The following SLC9C1 variants were observed in gnomAD, a reference collection of about 807,000 sequenced individuals.
SLC9C1 encodes solute carrier family 9 member C1, also known as sodium/hydrogen exchanger 10.
SLC9C1 carries 97 observed loss-of-function variants against 140.9 expected under a neutral mutation model. That is an observed-to-expected ratio of 0.69 (90% CI 0.58 to 0.82). SLC9C1 has a LOEUF of 0.82. Ranked by LOEUF, SLC9C1 falls within the 40% of genes least tolerant of loss-of-function variation. The probability of loss-of-function intolerance (pLI) is 0.00; values close to 1 mark genes in which losing one functional copy is unlikely to be tolerated. For missense variants in SLC9C1, 1,340 were observed against 1,389.3 expected (o/e 0.96, Z 0.56); for synonymous variants, 440 against 442.6 (o/e 0.99, Z 0.07).
At chr3:112,292,089 G>A (rs1418682761) in intron 1 of SLC9C1, among the ~76,000 whole-genome samples, 1 of 152,176 alleles carries the variant, frequency 6.6e-6, no homozygotes, top group African/African-American at 2.4e-5. Context: ...GACACATAGA[G>A]GGGAATACAC....
At chr3:112,217,875 G>C (rs1025958861) in intron 14 of SLC9C1, among the ~76,000 whole-genome samples, 3 of 152,170 alleles carry the variant, frequency 2.0e-5, no homozygotes, top group Non-Finnish European at 4.4e-5. Flanking sequence ...TTTCATGTTA[G>C]ATTCCCCATT....
At chr3:112,164,784 G>A (rs111957000) in intron 26 of SLC9C1, among the ~76,000 whole-genome samples, 15,770 of 151,760 alleles carry the variant, frequency 0.1, 877 homozygotes, top group East Asian at 0.2. Flanking sequence ...TATCTTTGTG[G>A]CATTCTCTGT....
rs183694230 is a variant in SLC9C1, at chr3:112,165,938, G to A, written c.3364+1283C>T. On this transcript the variant is annotated intron_variant, in intron 26 of 28. Transcript: ENST00000305815. Reference sequence around the variant, plus strand: ...TCCACCCAGTTCGATCTTCCTGGCCGCTTTGTTTACCTACTCAAGCCTAAG... The same window carrying A: ...TCCACCCAGTTCGATCTTCCTGGCCACTTTGTTTACCTACTCAAGCCTAAG... Among the ~76,000 whole-genome samples, 155 of 152,274 alleles carry A rather than the reference G, an allele frequency of 1.0e-3. 3 individuals carry two copies. In the East Asian group the frequency reaches 0.013, roughly 13 times the overall value.
Position 112,280,797 on chromosome 3 carries a change from G to A in SLC9C1, c.89-14C>T. 1 of 1,605,758 alleles carries A rather than the reference G, an allele frequency of 6.2e-7. No homozygotes were observed. The highest frequency in any genetic ancestry group is 8.5e-7 in the Non-Finnish European group (1 of 1,175,860). On this transcript the variant is annotated splice_polypyrimidine_tract_variant and intron_variant, in intron 2 of 28. Coordinates refer to ENST00000305815, the MANE Select transcript of SLC9C1 (RefSeq NM_183061.3). ...GGTTCAAAAATGCTGCAAAAAATAT[G>A]TTGTTACTGAAAGGCAATGAGATAT... is the stretch of plus-strand genomic sequence containing the variant.
At chr3:112,287,179 C>T (rs899841169) in intron 1 of SLC9C1, among the ~76,000 whole-genome samples, 4 of 152,182 alleles carry the variant, frequency 2.6e-5, no homozygotes, top group African/African-American at 9.7e-5. Flanking sequence ...TTCACACTCA[C>T]CAATGTGGTC....
At chr3:112,155,275 A>G (rs2075097788) in intron 26 of SLC9C1, among the ~76,000 whole-genome samples, 1 of 152,218 alleles carries the variant, frequency 6.6e-6, no homozygotes, top group Admixed American at 6.5e-5. Context: ...TTTGGAAAGT[A>G]GAGCTACAAA....
intron 20 of SLC9C1, among the ~76,000 whole-genome samples, chr3:112,192,699 G>C (rs1188285936): frequency 6.6e-6 from 1 of 152,004 alleles, no homozygotes; most frequent in Non-Finnish European, 1.5e-5. Context: ...CTCAGCTCTA[G>C]AATTTCTGTC....
Position 112,286,851 on chromosome 3 carries a change from C to A in SLC9C1, c.-60G>T. 1 of 1,221,532 alleles carries A rather than the reference C, an allele frequency of 8.2e-7. No individual in the cohort carries two copies. The highest frequency in any genetic ancestry group is 2.5e-5 in the East Asian group (1 of 39,458). 75.7% of individuals were successfully genotyped at this position (1,221,532 alleles called of 1,614,324 possible). On this transcript the variant is annotated 5_prime_UTR_variant, in exon 2 of 29. Transcript: ENST00000305815. ...AAGCAATCTCCATATGATCATCCAT[C>A]TTGTTGTTTTTCACAGTCCATCTGA...
intron 11 of SLC9C1, among the ~76,000 whole-genome samples, chr3:112,243,276 A>G (rs1267463894): frequency 7.2e-5 from 11 of 152,346 alleles, no homozygotes; most frequent in East Asian, 1.9e-4. Context: ...GTGTCCATCA[A>G]TGGTGGAATG....
chr3:112,171,715 A>G (rs1195866054), intron 23 of SLC9C1, among the ~76,000 whole-genome samples: 2 of 152,168 alleles, frequency 1.3e-5, no homozygotes, highest in Non-Finnish European at 2.9e-5. Flanking sequence ...AAGTTCTCCT[A>G]TGTTTTCTTC....
chr3:112,245,478 A>C (rs1447046166), intron 10 of SLC9C1, among the ~76,000 whole-genome samples: 1 of 152,018 alleles, frequency 6.6e-6, no homozygotes, highest in Non-Finnish European at 1.5e-5. Context: ...ATTTATTGAA[A>C]AAAATATTTT....
At chr3:112,239,290 T>G (rs921613233) in intron 12 of SLC9C1, among the ~76,000 whole-genome samples, 12 of 152,354 alleles carry the variant, frequency 7.9e-5, no homozygotes, top group Admixed American at 3.3e-4. Flanking sequence ...TGCTGTTTGC[T>G]AAGACCATTG....
At chr3:112,158,321 T>G (rs971430720) in intron 26 of SLC9C1, among the ~76,000 whole-genome samples, 3 of 152,070 alleles carry the variant, frequency 2.0e-5, no homozygotes, top group African/African-American at 7.2e-5. Flanking sequence ...TACATCACAT[T>G]TATTGATTTG....
intron 18 of SLC9C1, among the ~76,000 whole-genome samples, chr3:112,201,940 A>G (rs1303621851): frequency 2.0e-5 from 3 of 151,862 alleles, no homozygotes; most frequent in Non-Finnish European, 4.4e-5. Flanking sequence ...TTCCTATTTT[A>G]CACACCCATA....
At chr3:112,216,370 C>T (rs1463420533) in intron 15 of SLC9C1, among the ~76,000 whole-genome samples, 1 of 152,226 alleles carries the variant, frequency 6.6e-6, no homozygotes, top group Middle Eastern at 3.4e-3. Flanking sequence ...TCTAATTAAA[C>T]TAAAGAGCTT....
At chr3:112,237,162 A>G (rs2079011156) in intron 12 of SLC9C1, among the ~76,000 whole-genome samples, 1 of 152,180 alleles carries the variant, frequency 6.6e-6, no homozygotes, top group African/African-American at 2.4e-5. Flanking sequence ...TATTGGGTGC[A>G]TATATATTTA....
chr3:112,293,144 G>A (rs961082588), intron 1 of SLC9C1, among the ~76,000 whole-genome samples: 11 of 151,494 alleles, frequency 7.3e-5, no homozygotes, highest in African/African-American at 2.7e-4. Context: ...AGCCAGGTGT[G>A]GTGGCACATG....
chr3:112,154,690 G>A (rs978767356), intron 27 of SLC9C1, among the ~76,000 whole-genome samples: 3 of 152,188 alleles, frequency 2.0e-5, no homozygotes, highest in African/African-American at 7.2e-5. Context: ...CCAAGGGGGA[G>A]TGGAAAGGGC....
chr3:112,162,499 A>G (rs1192929278), intron 26 of SLC9C1, among the ~76,000 whole-genome samples: 2 of 152,170 alleles, frequency 1.3e-5, no homozygotes, highest in African/African-American at 4.8e-5. Context: ...GGATTTTGTT[A>G]AAGGCCTTTT....
Sources: gnomAD v4.1 joint callset for allele counts (sites outside exome capture counted in the v4.1 genomes callset) on GRCh38, gnomAD v4.1.1 for gene constraint, MANE v1.5 for transcripts, NCBI Gene and HGNC (gene_info 2026-07-23, HGNC 2026-07-21) for gene names.